The following FGGY variants were observed in gnomAD, a reference collection of about 807,000 sequenced individuals.
FGGY encodes FGGY carbohydrate kinase domain containing.
Under a neutral mutation model 71.3 loss-of-function variants are expected in FGGY, and 72 were observed. That is an observed-to-expected ratio of 1.01 (90% confidence interval 0.84 to 1.23). FGGY has a LOEUF of 1.23. FGGY is among the 50% of genes most tolerant of loss of function. FGGY has a pLI of 0.00. For synonymous variants in FGGY, 251 were observed against 250.3 expected (o/e 1.00, Z -0.02); for missense variants, 668 against 682.3 (o/e 0.98, Z 0.23).
chr1:59,737,815 G>T (rs1217393677), intron 14 of FGGY, among the ~76,000 whole-genome samples: 1 of 152,170 alleles, frequency 6.6e-6, no homozygotes, highest in Non-Finnish European at 1.5e-5. Flanking sequence ...GGCATGATTA[G>T]TTTTGAAATG....
intron 6 of FGGY, among the ~76,000 whole-genome samples, chr1:59,475,086 A>G (rs994255536): frequency 6.6e-6 from 1 of 152,242 alleles, no homozygotes; most frequent in Non-Finnish European, 1.5e-5. Flanking sequence ...GCCAAAGACC[A>G]TAACCCCTTG....
chr1:59,387,884 A>G (rs2060256862), intron 5 of FGGY, among the ~76,000 whole-genome samples: 1 of 152,180 alleles, frequency 6.6e-6, no homozygotes. Context: ...GGCAATTAAA[A>G]TTAATCCTCA....
intron 14 of FGGY, among the ~76,000 whole-genome samples, chr1:59,728,646 A>G (rs1367408444): frequency 1.3e-5 from 2 of 151,888 alleles, no homozygotes; most frequent in Non-Finnish European, 2.9e-5. Flanking sequence ...GGATAGTTTC[A>G]TTGGGCATAG....
intron 5 of FGGY, among the ~76,000 whole-genome samples, chr1:59,385,714 C>T (rs1460287673): frequency 1.3e-5 from 2 of 151,922 alleles, no homozygotes; most frequent in Non-Finnish European, 1.5e-5. Context: ...AGAAAAAAAT[C>T]AGAATGGAGT....
intron 14 of FGGY, among the ~76,000 whole-genome samples, chr1:59,745,384 G>A (rs1179996345): frequency 6.6e-6 from 1 of 152,164 alleles, no homozygotes; most frequent in African/African-American, 2.4e-5. Context: ...AGTTGGCCTA[G>A]TGACTAACCA....
intron 10 of FGGY, among the ~76,000 whole-genome samples, chr1:59,636,478 C>G (rs2096960613): frequency 6.6e-6 from 1 of 152,152 alleles, no homozygotes; most frequent in African/African-American, 2.4e-5. Flanking sequence ...AAAAAATTAG[C>G]CAGGCGTGGT....
In FGGY at chr1:59,517,149, A is replaced by C. The variant is rs922424902; in HGVS notation, c.799+4710A>C. ...TGATATTTTTCTAGCTTATAAAAAT[A>C]ACATTAACTTTTTTCCAGGTCTTTT... On this transcript the variant is annotated intron_variant, in intron 7 of 15. Transcript: ENST00000303721. 4.8e-4 allele frequency among the ~76,000 whole-genome samples: 73 copies of C among 152,104 alleles called. 1 individual carries two copies. Among genetic ancestry groups the C allele is most frequent in the African/African-American group, 1.5e-3 (62 of 41,454 alleles).
intron 6 of FGGY, among the ~76,000 whole-genome samples, chr1:59,477,230 A>G (rs1394597837): frequency 6.6e-6 from 1 of 152,024 alleles, no homozygotes. Flanking sequence ...TCAGGTGGTG[A>G]CTTTGGCCTC....
chr1:59,336,416 C>CTTCTTGGACAAAA lies in FGGY; in HGVS notation c.202-3540_202-3539insCTTGGACAAAATT, dbSNP rs553226717. Among the ~76,000 whole-genome samples, 453 of 150,522 alleles carry CTTCTTGGACAAAA rather than the reference C, an allele frequency of 3.0e-3. 3 individuals carry two copies. The highest frequency in any genetic ancestry group is 0.01 in the African/African-American group (427 of 40,992). On this transcript the variant is annotated intron_variant, in intron 2 of 15. Transcript: ENST00000303721. ...TCAGATAGCATATATTTTCCAAGTTCTTTCTATTCAATTTTGTCAGTTTCT... is the reference window on the plus strand; with the variant it reads ...TCAGATAGCATATATTTTCCAAGTTCTTCTTGGACAAAATTTCTATTCAATTTTGTCAGTTTCT...
intron 7 of FGGY, among the ~76,000 whole-genome samples, chr1:59,518,287 C>T (rs1393166249): frequency 6.6e-6 from 1 of 152,134 alleles, no homozygotes; most frequent in Admixed American, 6.5e-5. Context: ...ACATTTCTCA[C>T]CATTATCAGT....
At chr1:59,563,754 C>G (rs1053566033) in intron 8 of FGGY, among the ~76,000 whole-genome samples, 2 of 152,114 alleles carry the variant, frequency 1.3e-5, no homozygotes, top group Non-Finnish European at 2.9e-5. Context: ...GCCAAAAGAA[C>G]AAAGCTAGAG....
At chr1:59,619,710 G>A (rs765437800) in intron 9 of FGGY, among the ~76,000 whole-genome samples, 3 of 152,090 alleles carry the variant, frequency 2.0e-5, no homozygotes, top group Non-Finnish European at 2.9e-5. Context: ...TTTACTCTCA[G>A]TGAAATGGAA....
intron 1 of FGGY, among the ~76,000 whole-genome samples, chr1:59,308,270 G>A (rs897083829): frequency 2.0e-5 from 3 of 152,186 alleles, no homozygotes; most frequent in African/African-American, 7.2e-5. Flanking sequence ...TGAAAGGGTA[G>A]CCCATGTATA....
intron 7 of FGGY, among the ~76,000 whole-genome samples, chr1:59,517,194 C>A (rs187732864): frequency 1.2e-4 from 18 of 150,510 alleles, no homozygotes; most frequent in African/African-American, 3.9e-4. Flanking sequence ...AGCACCCCAA[C>A]TGCCCTGAAA....
intron 7 of FGGY, among the ~76,000 whole-genome samples, chr1:59,534,937 C>A (rs1176320200): frequency 7.3e-5 from 11 of 151,722 alleles, no homozygotes; most frequent in Admixed American, 3.9e-4. Flanking sequence ...CGAGCAAAAT[C>A]ACCAGCTAAC....
At chr1:59,564,494 G>GC (rs368812977) in intron 8 of FGGY, among the ~76,000 whole-genome samples, 1 of 152,208 alleles carries the variant, frequency 6.6e-6, no homozygotes, top group African/African-American at 2.4e-5. Context: ...GGCCTGGGGG[G>GC]CCCATGTTTC....
chr1:59,568,872 G>C (rs2095928422), intron 8 of FGGY, among the ~76,000 whole-genome samples: 1 of 152,010 alleles, frequency 6.6e-6, no homozygotes, highest in African/African-American at 2.4e-5. Flanking sequence ...TTATAATTAA[G>C]TTAGTTTAAA....
At chr1:59,655,953 A>G (rs1217140369) in intron 11 of FGGY, among the ~76,000 whole-genome samples, 2 of 152,228 alleles carry the variant, frequency 1.3e-5, no homozygotes, top group East Asian at 1.9e-4. Context: ...CAATTGGCAT[A>G]CACCGCTAAC....
intron 9 of FGGY, among the ~76,000 whole-genome samples, chr1:59,624,995 A>G (rs1472452323): frequency 6.6e-6 from 1 of 151,960 alleles, no homozygotes; most frequent in Admixed American, 6.6e-5. Context: ...CCAGAACCCA[A>G]CCCTGGCCTC....
Sources: allele counts gnomAD v4.1 joint callset (sites outside exome capture counted in the v4.1 genomes callset), GRCh38; gene constraint gnomAD v4.1.1; transcripts MANE v1.5; gene names NCBI Gene and HGNC (gene_info 2026-07-23, HGNC 2026-07-21).